SIPA1L1: variants seen among roughly 807,000 people sequenced by gnomAD.
SIPA1L1 encodes signal-induced proliferation-associated 1-like protein 1.
Under a neutral mutation model 162.7 loss-of-function variants are expected in SIPA1L1, and 26 were observed. That is an observed-to-expected ratio of 0.16 (90% confidence interval 0.12 to 0.22). The LOEUF is 0.22. Among genes scored for constraint, SIPA1L1 ranks in the 10% least tolerant of loss-of-function variants. The probability of loss-of-function intolerance (pLI) is 1.00; values close to 1 mark genes in which losing one functional copy is unlikely to be tolerated. For missense variants in SIPA1L1, 1,874 were observed against 2,241.0 expected (o/e 0.84, Z 3.31); for synonymous variants, 829 against 837.4 (o/e 0.99, Z 0.17).
intron 2 of SIPA1L1, among the ~76,000 whole-genome samples, chr14:71,466,322 C>T (rs578210655): frequency 5.9e-5 from 9 of 152,228 alleles, no homozygotes; most frequent in Non-Finnish European, 8.8e-5. Flanking sequence ...GCAGAGCAAA[C>T]GAACACAGTG....
chr14:71,390,780 A>G (rs1189850729), intron 2 of SIPA1L1, among the ~76,000 whole-genome samples: 2 of 152,048 alleles, frequency 1.3e-5, no homozygotes. Flanking sequence ...ATGAGATCCC[A>G]CCTCAAAAAA....
At chr14:71,498,284 A>C (rs1288271632) in intron 2 of SIPA1L1, among the ~76,000 whole-genome samples, 2 of 152,214 alleles carry the variant, frequency 1.3e-5, no homozygotes, top group Non-Finnish European at 2.9e-5. Context: ...ATTACAGGGA[A>C]GCTAGCAATG....
At chr14:71,411,656 C>T (rs1441065793) in intron 2 of SIPA1L1, among the ~76,000 whole-genome samples, 2 of 152,210 alleles carry the variant, frequency 1.3e-5, no homozygotes, top group African/African-American at 2.4e-5. Flanking sequence ...AGTGGGAGCT[C>T]CCGACTGGAG....
At chr14:71,599,886 T>C (rs895008240) in intron 5 of SIPA1L1, among the ~76,000 whole-genome samples, 4 of 152,234 alleles carry the variant, frequency 2.6e-5, no homozygotes, top group Admixed American at 1.3e-4. Context: ...GAGCATTTTT[T>C]TTTATATACC....
chr14:71,478,743 A>G (rs1294338752), intron 2 of SIPA1L1, among the ~76,000 whole-genome samples: 1 of 152,102 alleles, frequency 6.6e-6, no homozygotes, highest in Non-Finnish European at 1.5e-5. Flanking sequence ...ATGAGACATT[A>G]GAATAGGACG....
intron 5 of SIPA1L1, among the ~76,000 whole-genome samples, chr14:71,611,412 T>A (rs924565920): frequency 2.0e-5 from 3 of 148,960 alleles, no homozygotes; most frequent in African/African-American, 7.7e-5. Flanking sequence ...AATTTAATGT[T>A]ATGTTATGTT....
intron 2 of SIPA1L1, chr14:71,330,482 G>A (rs1297130069): frequency 1.2e-6 from 2 of 1,605,666 alleles, no homozygotes; most frequent in Admixed American, 3.3e-5. Flanking sequence ...GCTAGAACTT[G>A]GTCCCCTTCC....
intron 2 of SIPA1L1, among the ~76,000 whole-genome samples, chr14:71,331,242 A>G (rs576616463): frequency 7.9e-5 from 12 of 152,254 alleles, no homozygotes; most frequent in Admixed American, 2.0e-4. Context: ...TGTCTATTCT[A>G]TTCTATTGGT....
intron 7 of SIPA1L1, among the ~76,000 whole-genome samples, chr14:71,627,657 A>C (rs1430082350): frequency 6.6e-6 from 1 of 152,184 alleles, no homozygotes; most frequent in East Asian, 1.9e-4. Context: ...ATTTCATTTT[A>C]CTATGTTCTA....
intron 11 of SIPA1L1, 87 bp from the exon 12 acceptor site, chr14:71,672,261 C>T (rs2044611020): frequency 1.5e-6 from 2 of 1,367,828 alleles, no homozygotes; most frequent in Non-Finnish European, 2.0e-6. Flanking sequence ...TCAGAACTAA[C>T]CCTGCTTGCA....
chr14:71,619,317 CAAG>C (rs1305958872), intron 6 of SIPA1L1, among the ~76,000 whole-genome samples: 1 of 151,960 alleles, frequency 6.6e-6, no homozygotes, highest in Admixed American at 6.6e-5. Context: ...TGTCTTCGCC[CAAG>C]AAGAAGGAGG....
Position 71,377,129 on chromosome 14 carries a change from A to AC in SIPA1L1, c.-465+55954dup, listed in dbSNP as rs1374903726. ...GGCGGCCGGGCAGAGGGGCCCCCCC[A>AC]CCCCCCAGATGGGGCGGCCAGGCAG... On this transcript the variant is annotated intron_variant, in intron 2 of 23. Transcript: ENST00000381232. This position sits in a 1 kb window ranked among gnomAD's most constrained non-coding sequence, Gnocchi z 4.8. 1.5e-5 allele frequency among the ~76,000 whole-genome samples: 2 copies of AC among 133,264 alleles called. No homozygotes were observed. The highest frequency in any genetic ancestry group is 5.8e-5 in the African/African-American group (2 of 34,564). 87.4% of individuals were successfully genotyped at this position (133,264 alleles called of 152,430 possible). A position where few individuals can be genotyped will look rare whatever the true frequency, so the allele number is the denominator to read the frequency against.
intron 4 of SIPA1L1, among the ~76,000 whole-genome samples, chr14:71,544,084 T>C (rs771473251): frequency 2.1e-4 from 32 of 150,884 alleles, no homozygotes; most frequent in Non-Finnish European, 3.8e-4. Context: ...CGCACATGTA[T>C]GTATATACAC....
Position 71,407,097 on chromosome 14 carries a change from G to T in SIPA1L1, c.-465+85916G>T, listed in dbSNP as rs1232600232. 2.0e-5 allele frequency among the ~76,000 whole-genome samples: 3 copies of T among 152,162 alleles called. No individual in the cohort carries two copies. In the South Asian group the frequency reaches 6.2e-4, roughly 32 times the overall value. Reference sequence around the variant, plus strand: ...CCTCTACTAAAAATAAAAAAAATTGGCTGGGTGTGGTGGCGCATGCCTGTA... The same window carrying T: ...CCTCTACTAAAAATAAAAAAAATTGTCTGGGTGTGGTGGCGCATGCCTGTA... On this transcript the variant is annotated intron_variant, in intron 2 of 23. Transcript: ENST00000381232.
chr14:71,650,991 G>A (rs2042572582), intron 8 of SIPA1L1, among the ~76,000 whole-genome samples: 1 of 151,904 alleles, frequency 6.6e-6, no homozygotes, highest in Admixed American at 6.6e-5. Context: ...ATTATTCACA[G>A]TCTACTTAAT....
chr14:71,700,766 G>A lies in SIPA1L1; in HGVS notation c.3522-1615G>A, dbSNP rs562123177. On this transcript the variant is annotated intron_variant, in intron 14 of 23. Transcript: ENST00000381232. Reference sequence around the variant, plus strand: ...TCCCAGCACTTTGGGAGGCCGAGGCGGGCGGATCACGAGGTCAGGAGATCA... The same window carrying A: ...TCCCAGCACTTTGGGAGGCCGAGGCAGGCGGATCACGAGGTCAGGAGATCA... Among the ~76,000 whole-genome samples the A allele has an allele frequency of 9.3e-4, 142 of 152,000 alleles. 1 individual carries two copies. Among genetic ancestry groups the A allele is most frequent in the Non-Finnish European group, 1.1e-3 (77 of 67,960 alleles).
At chr14:71,512,272 C>T (rs1197684958) in intron 2 of SIPA1L1, among the ~76,000 whole-genome samples, 3 of 152,160 alleles carry the variant, frequency 2.0e-5, no homozygotes. Context: ...CATAAAATCT[C>T]ATCAACTGGG....
chr14:71,736,480 G>T (rs150885948), intron 22 of SIPA1L1, among the ~76,000 whole-genome samples: 7 of 152,304 alleles, frequency 4.6e-5, no homozygotes, highest in African/African-American at 1.7e-4. Flanking sequence ...TAACAGGAAA[G>T]CCAATTGAAG....
chr14:71,592,563 G>A (rs915642422), intron 5 of SIPA1L1, among the ~76,000 whole-genome samples: 3 of 151,894 alleles, frequency 2.0e-5, no homozygotes, highest in African/African-American at 4.8e-5. Flanking sequence ...TCACTCAGCC[G>A]CTTATCACCG....
Sources: allele counts gnomAD v4.1 joint callset (sites outside exome capture counted in the v4.1 genomes callset), GRCh38; gene constraint gnomAD v4.1.1; non-coding constraint Gnocchi (gnomAD v3.1); transcripts MANE v1.5; gene names NCBI Gene and HGNC (gene_info 2026-07-23, HGNC 2026-07-21).